The following MYH13 variants were observed in gnomAD, a reference collection of about 807,000 sequenced individuals.
The protein encoded by MYH13 is myosin-13.
In MYH13, 177 loss-of-function variants were observed where a neutral mutation model predicts 232.1. The ratio of observed to expected loss-of-function variants is 0.76; its 90% CI spans 0.67 to 0.86. The LOEUF (loss-of-function observed/expected upper bound fraction) is 0.86, where lower values mean the gene tolerates loss of function less well. MYH13 is among the 40% of genes least tolerant of loss of function. The pLI is 0.00. For missense variants in MYH13, 2,246 were observed against 2,405.9 expected (o/e 0.93, Z 1.39); for synonymous variants, 884 against 923.5 (o/e 0.96, Z 0.78).
At chr17:10,347,916 A>C (rs907795229) in intron 12 of MYH13, among the ~76,000 whole-genome samples, 1 of 151,506 alleles carries the variant, frequency 6.6e-6, no homozygotes, top group African/African-American at 2.4e-5. Context: ...ATGGGGTTTC[A>C]CCATGTTGGC....
In MYH13 at chr17:10,330,549, G is replaced by T. The variant is rs751006194; in HGVS notation, c.2299-26C>A. 5 of 1,587,576 alleles carry T rather than the reference G, an allele frequency of 3.1e-6. No homozygotes were observed. In the South Asian group the frequency reaches 5.7e-5, roughly 18 times the overall value. On this transcript the variant is annotated intron_variant, in intron 20 of 40. Transcript: ENST00000252172. ...CTGCATTAAAAGACAGAGGAGCCTTGATCTTTTTCCCCAGCAGGCGTTCAG... is the reference window on the plus strand; with the variant it reads ...CTGCATTAAAAGACAGAGGAGCCTTTATCTTTTTCCCCAGCAGGCGTTCAG...
At chr17:10,339,965 A>G (rs540660749) in intron 18 of MYH13, among the ~76,000 whole-genome samples, 185 bp downstream of exon 18, 1 of 152,318 alleles carries the variant, frequency 6.6e-6, no homozygotes, top group South Asian at 2.1e-4. Context: ...TCAAACATTT[A>G]TCATTTCTTT....
intron 23 of MYH13, 64 bp downstream of exon 23, chr17:10,323,958 C>G (rs1907100316): frequency 1.7e-5 from 27 of 1,583,210 alleles, no homozygotes; most frequent in Non-Finnish European, 2.2e-5. Flanking sequence ...ACCCTTTCTC[C>G]TCCTTACAGA....
chr17:10,321,995 A>G (rs1906956400), intron 23 of MYH13, among the ~76,000 whole-genome samples: 1 of 152,194 alleles, frequency 6.6e-6, no homozygotes, highest in Admixed American at 6.5e-5. Context: ...GTAAAACATC[A>G]ATCTATATTC....
intron 16 of MYH13, among the ~76,000 whole-genome samples, chr17:10,342,636 G>A (rs1216280716): frequency 2.0e-5 from 3 of 151,946 alleles, no homozygotes; most frequent in Non-Finnish European, 4.4e-5. Flanking sequence ...ACAAAGTCCT[G>A]ATACATGCTA....
intron 23 of MYH13, among the ~76,000 whole-genome samples, chr17:10,322,844 A>G (rs1229443922): frequency 6.6e-6 from 1 of 152,116 alleles, no homozygotes; most frequent in Non-Finnish European, 1.5e-5. Flanking sequence ...CATGTTAGCC[A>G]GGATGGTCTC....
intron 2 of MYH13, 99 bp from the exon 3 acceptor site, chr17:10,364,641 G>T: frequency 9.4e-7 from 1 of 1,064,848 alleles, no homozygotes; most frequent in Non-Finnish European, 1.4e-6. Flanking sequence ...CAGATTCAAA[G>T]GCTCCTAGAT....
intron 2 of MYH13, among the ~76,000 whole-genome samples, chr17:10,369,388 G>T (rs2071862294): frequency 6.6e-6 from 1 of 152,082 alleles, no homozygotes; most frequent in African/African-American, 2.4e-5. Flanking sequence ...ATATTCACTA[G>T]GTCTGGAGTT....
intron 2 of MYH13, among the ~76,000 whole-genome samples, chr17:10,365,772 C>T (rs748817630): frequency 9.9e-5 from 15 of 151,502 alleles, no homozygotes; most frequent in Admixed American, 3.3e-4. Context: ...AAACTTTGTG[C>T]GTGGCGGTGT....
chr17:10,344,555 C>T (rs570030360), intron 15 of MYH13, among the ~76,000 whole-genome samples: 3 of 151,948 alleles, frequency 2.0e-5, no homozygotes, highest in Admixed American at 6.5e-5. Flanking sequence ...TGGTGGTTCA[C>T]GTCTGTAATC....
intron 11 of MYH13, among the ~76,000 whole-genome samples, chr17:10,353,879 GAAAGA>G (rs1027521986): frequency 4.2e-5 from 6 of 144,232 alleles, no homozygotes; most frequent in African/African-American, 5.1e-5. Flanking sequence ...TCTGAAAAAA[GAAAGA>G]AAAGAAAAGA....
In MYH13 at chr17:10,309,622, ATCT is replaced by A. The variant is rs770913560; in HGVS notation, c.4862_4864del (p.Lys1621del). On this transcript the variant is annotated inframe_deletion, in exon 34 of 41. Transcript: ENST00000252172. Reference sequence around the variant, plus strand: ...CTCCATCTCATTAAGGTCTCCCTCCATCTTCTTCTTTAGCCTCAGGGCGTCGTT... The same window carrying A: ...CTCCATCTCATTAAGGTCTCCCTCCATCTTCTTTAGCCTCAGGGCGTCGTT... 282 of 1,613,260 alleles carry A rather than the reference ATCT, an allele frequency of 1.7e-4. 2 individuals are homozygous for A. Among genetic ancestry groups the A allele is most frequent in the Middle Eastern group, 6.6e-4 (4 of 6,062 alleles).
intron 7 of MYH13, among the ~76,000 whole-genome samples, chr17:10,358,234 C>G (rs2071764446): frequency 6.6e-6 from 1 of 152,090 alleles, no homozygotes; most frequent in African/African-American, 2.4e-5. Context: ...GTGAGCAAAG[C>G]AAGCGACCCA....
rs1906306186 is a variant in MYH13 at position 10,306,888 on chromosome 17, C to G, written c.5295+51G>C. On this transcript the variant is annotated intron_variant, in intron 36 of 40. Coordinates refer to ENST00000252172, the MANE Select transcript of MYH13 (RefSeq NM_003802.3). This position sits in a 1 kb window ranked among gnomAD's most constrained non-coding sequence, Gnocchi z 4.3. The stretch of plus-strand genomic sequence containing the variant: ...CTTGCCACACCCTGGCTCAGAGGCC[C>G]CACTTTCTCAGTTCCAAACCCCATC... 3 of 1,608,822 alleles carry G rather than the reference C, an allele frequency of 1.9e-6. No individual in the cohort carries two copies. Among genetic ancestry groups the G allele is most frequent in the Non-Finnish European group, 2.5e-6 (3 of 1,179,474 alleles).
Position 10,360,073 on chromosome 17 carries a change from T to A in MYH13, c.534-2A>T, listed in dbSNP as rs754673394. The stretch of plus-strand genomic sequence containing the variant: ...GTCTTCCCAGCCCCGGATTCTCCGC[T>A]GCCAATTTAAAAGTAAACGGGATAA... On this transcript the variant is annotated splice_acceptor_variant, in intron 6 of 40. Transcript: ENST00000252172. LOFTEE classifies it high-confidence loss of function. The A allele has an allele frequency of 3.7e-6, 6 of 1,613,992 alleles. No individual in the cohort carries two copies. In the East Asian group the frequency reaches 1.3e-4, roughly 36 times the overall value.
chr17:10,371,281 A>G (rs1395955105), intron 1 of MYH13, 22 bp from the exon 2 acceptor site: 1 of 152,216 alleles, frequency 6.6e-6, no homozygotes, highest in Non-Finnish European at 1.5e-5. Flanking sequence ...TTGAGAAAAA[A>G]AAACAAACCA....
chr17:10,341,512 C>T (rs1262772994), intron 16 of MYH13: 1 of 152,206 alleles, frequency 6.6e-6, no homozygotes, highest in African/African-American at 2.4e-5. Context: ...AATTTGCCAT[C>T]TTAATTTGGA....
Position 10,327,976 on chromosome 17 carries a change from C to T in MYH13, c.2581G>A (p.Glu861Lys). 2 of 1,614,142 alleles carry T rather than the reference C, an allele frequency of 1.2e-6. No individual in the cohort carries two copies. The highest frequency in any genetic ancestry group is 1.7e-6 in the Non-Finnish European group (2 of 1,180,028). ...KEMATMKEDFERTKEELARSE... is the reference protein window; with the variant it reads ...KEMATMKEDFKRTKEELARSE... ...CGGGCCAGTTCTTCCTTGGTCCTCT[C>T]AAAGTCTTCCTTCATGGTGGCCATC... Residue 861 changes from glutamate to lysine, a missense_variant, in exon 22 of 41, where the codon GAG becomes AAG. Glu to Lys is a moderately conservative substitution (Grantham distance 56). Coordinates refer to ENST00000252172, the MANE Select transcript of MYH13 (RefSeq NM_003802.3).
At position 10,365,773 on chromosome 17, in the gene MYH13, G is replaced by A. The variant is rs72814791; in HGVS notation, c.-12-1231C>T. Among the ~76,000 whole-genome samples, 985 of 152,158 alleles carry A rather than the reference G, an allele frequency of 6.5e-3. 8 individuals are homozygous for A. The highest frequency in any genetic ancestry group is 0.026 in the South Asian group (124 of 4,820). On this transcript the variant is annotated intron_variant, in intron 2 of 40. Transcript: ENST00000252172. Reference sequence around the variant, plus strand: ...TAAACGCGGTCTCTAAACTTTGTGCGTGGCGGTGTCAGGGTGTGACAAATA... The same window carrying A: ...TAAACGCGGTCTCTAAACTTTGTGCATGGCGGTGTCAGGGTGTGACAAATA...
Sources: gnomAD v4.1 joint callset for allele counts (sites outside exome capture counted in the v4.1 genomes callset) on GRCh38, gnomAD v4.1.1 for gene constraint, Gnocchi (gnomAD v3.1) non-coding constraint, MANE v1.5 for transcripts, NCBI Gene and HGNC (gene_info 2026-07-23, HGNC 2026-07-21) for gene names.